The following XIRP2 variants were observed in gnomAD, a reference collection of about 807,000 sequenced individuals.
XIRP2 encodes xin actin-binding repeat-containing protein 2.
XIRP2 carries 236 observed loss-of-function variants against 277.0 expected under a neutral mutation model. The ratio of observed to expected loss-of-function variants is 0.85; its 90% CI spans 0.77 to 0.95. The LOEUF is 0.95. Among genes scored for constraint, XIRP2 ranks in the 40% least tolerant of loss-of-function variants. The pLI, the probability that XIRP2 is intolerant of heterozygous loss-of-function variation, is 0.00. For synonymous variants in XIRP2, 1,490 were observed against 1,416.5 expected (o/e 1.05, Z -1.17); for missense variants, 4,640 against 4,157.5 (o/e 1.12, Z -3.19).
chr2:167,199,254 A>C (rs1390564678), intron 3 of XIRP2, among the ~76,000 whole-genome samples: 1 of 152,218 alleles, frequency 6.6e-6, no homozygotes, highest in Admixed American at 6.5e-5. Context: ...TAGCACAAAA[A>C]TGATTTAAGG....
intron 3 of XIRP2, among the ~76,000 whole-genome samples, chr2:167,147,632 G>A (rs1479676398): frequency 6.6e-6 from 1 of 152,190 alleles, no homozygotes; most frequent in Non-Finnish European, 1.5e-5. Context: ...CACATTGTTG[G>A]TGAGAGAATT....
chr2:167,085,862 A>G (rs1689925599), intron 2 of XIRP2, among the ~76,000 whole-genome samples: 1 of 152,160 alleles, frequency 6.6e-6, no homozygotes, highest in African/African-American at 2.4e-5. Context: ...GGTTTCCTGA[A>G]TACAGCACAC....
chr2:167,199,080 A>C (rs1693604105), intron 3 of XIRP2, among the ~76,000 whole-genome samples: 1 of 152,182 alleles, frequency 6.6e-6, no homozygotes, highest in South Asian at 2.1e-4. Flanking sequence ...GTCATGTATA[A>C]GTTGGTGAGA....
chr2:166,911,456 T>G (rs992208933), intron 2 of XIRP2, among the ~76,000 whole-genome samples: 8 of 152,198 alleles, frequency 5.3e-5, no homozygotes, highest in Non-Finnish European at 1.0e-4. Context: ...GTTTTCCATT[T>G]GCTTGGTAGA....
intron 2 of XIRP2, among the ~76,000 whole-genome samples, chr2:167,078,097 T>C (rs1689621427): frequency 6.6e-6 from 1 of 152,250 alleles, no homozygotes; most frequent in Admixed American, 6.5e-5. Flanking sequence ...ATGTTGATTC[T>C]TCCAATCCAT....
At chr2:167,077,291 A>G (rs887018387) in intron 2 of XIRP2, among the ~76,000 whole-genome samples, 1 of 152,186 alleles carries the variant, frequency 6.6e-6, no homozygotes, top group Non-Finnish European at 1.5e-5. Flanking sequence ...TATTACAATC[A>G]TTTTAATGGA....
chr2:166,996,379 T>A (rs1687220306), intron 2 of XIRP2, among the ~76,000 whole-genome samples: 1 of 152,182 alleles, frequency 6.6e-6, no homozygotes, highest in South Asian at 2.1e-4. Context: ...GCCTGTAATC[T>A]CAGCACTTTG....
intron 2 of XIRP2, among the ~76,000 whole-genome samples, chr2:167,013,978 CTGAA>C (rs1558947856): frequency 1.3e-5 from 2 of 151,010 alleles, no homozygotes; most frequent in Non-Finnish European, 1.5e-5. Context: ...GTGGAACAAA[CTGAA>C]TGCAAATTGT....
intron 3 of XIRP2, chr2:167,184,576 G>T: frequency 1.4e-6 from 1 of 717,316 alleles, no homozygotes; most frequent in Non-Finnish European, 2.6e-6. Context: ...AGATTCTCAG[G>T]CTCCACCTGC....
In XIRP2 at chr2:167,218,246, T is replaced by C; in HGVS notation, c.804T>C (p.Ser268=). 6.2e-7 allele frequency: 1 copy of C among 1,609,204 alleles called. No individual in the cohort carries two copies. The highest frequency in any genetic ancestry group is 8.5e-7 in the Non-Finnish European group (1 of 1,177,790). Residue 268 remains serine (S), a synonymous_variant, in exon 5 of 11, where the codon TCT becomes TCC. Transcript: ENST00000409195. ...AACAATTTGAGGACGAAATTACTTCTTCCCGTAATACCTTTGCTCAATACC... is the reference window on the plus strand; with the variant it reads ...AACAATTTGAGGACGAAATTACTTCCTCCCGTAATACCTTTGCTCAATACC... The part of the protein sequence containing the change: ...VKKQFEDEIT[S]SRNTFAQYQY...
intron 2 of XIRP2, among the ~76,000 whole-genome samples, chr2:167,021,335 C>A (rs762150756): frequency 2.6e-5 from 4 of 152,004 alleles, no homozygotes; most frequent in Middle Eastern, 3.2e-3. Context: ...TATAATTTGG[C>A]AGAAAAATTG....
intron 2 of XIRP2, among the ~76,000 whole-genome samples, chr2:167,077,011 T>TTTTG (rs761159868): frequency 5.9e-4 from 89 of 152,014 alleles, no homozygotes; most frequent in Non-Finnish European, 1.1e-3. Context: ...TTGTGTGTTT[T>TTTTG]TTTGTTTGTT....
At chr2:167,079,857 A>G (rs1366641853) in intron 2 of XIRP2, among the ~76,000 whole-genome samples, 2 of 151,482 alleles carry the variant, frequency 1.3e-5, no homozygotes, top group Non-Finnish European at 2.9e-5. Context: ...GATTTGGGTT[A>G]TATCTTTTCT....
chr2:167,246,497 C>T lies in XIRP2; in HGVS notation c.5105C>T (p.Thr1702Ile), dbSNP rs781614160. The T allele has an allele frequency of 4.3e-6, 7 of 1,613,472 alleles. No individual in the cohort carries two copies. The highest frequency in any genetic ancestry group is 3.3e-5 in the Admixed American group (2 of 59,940). The change falls in exon 9 of 11, where the codon ACA (threonine) becomes ATA (isoleucine). Residue 1702 changes from threonine to isoleucine, a missense_variant. Transcript: ENST00000409195. ...CTTCTTCATGAAAATGATGGTGACA[C>T]AATTGAGCGTGAAGAAGTAATAGGT... ...YCLLHENDGD[T>I]IEREEVIGGD...
At chr2:167,196,878 G>C (rs1300219471) in intron 3 of XIRP2, among the ~76,000 whole-genome samples, 1 of 152,120 alleles carries the variant, frequency 6.6e-6, no homozygotes, top group African/African-American at 2.4e-5. Context: ...GTGTTTTCAT[G>C]CCTGTCTGTA....
chr2:167,181,481 A>C (rs537507179), intron 3 of XIRP2, among the ~76,000 whole-genome samples: 1 of 152,102 alleles, frequency 6.6e-6, no homozygotes, highest in Non-Finnish European at 1.5e-5. Context: ...TTTTCTTCAA[A>C]TTCTTACTGT....
chr2:166,936,002 G>T (rs1335189176), intron 2 of XIRP2, among the ~76,000 whole-genome samples: 1 of 152,144 alleles, frequency 6.6e-6, no homozygotes, highest in Non-Finnish European at 1.5e-5. Flanking sequence ...TCTTCCAAAT[G>T]GTTGAACCAG....
At position 167,244,662 on chromosome 2, in the gene XIRP2, T is replaced by G. The variant is rs1418307619; in HGVS notation, c.3270T>G (p.Asp1090Glu). ...TEQTRDIVKGDVKTCKWLFET... is the reference protein window; with the variant it reads ...TEQTRDIVKGEVKTCKWLFET... The stretch of plus-strand genomic sequence containing the variant: ...AAACTAGAGATATTGTTAAAGGGGA[T>G]GTCAAAACCTGTAAATGGCTTTTTG... The change falls in exon 9 of 11, where the codon GAT becomes GAG. Residue 1090 changes from aspartate to glutamate, a missense_variant. Coordinates refer to ENST00000409195, the MANE Select transcript of XIRP2 (RefSeq NM_152381.6). 2 of 1,613,544 alleles carry G rather than the reference T, an allele frequency of 1.2e-6. No homozygotes were observed. Among genetic ancestry groups the G allele is most frequent in the Non-Finnish European group, 1.7e-6 (2 of 1,179,720 alleles).
Position 167,017,353 on chromosome 2 carries a change from C to A in XIRP2, c.408+113463C>A, listed in dbSNP as rs191173191. Among the ~76,000 whole-genome samples, 226 of 151,944 alleles carry A rather than the reference C, an allele frequency of 1.5e-3. 1 individual carries two copies. The highest frequency in any genetic ancestry group is 2.3e-3 in the Non-Finnish European group (153 of 67,932). ...AATTTTTATTTCTGAGAGTCTGAAC[C>A]AAGAAGGTCCAAGTAGATCACATGG... On this transcript the variant is annotated intron_variant, in intron 2 of 10. Coordinates refer to ENST00000409195, the MANE Select transcript of XIRP2 (RefSeq NM_152381.6).
Sources: gnomAD v4.1 joint callset for allele counts (sites outside exome capture counted in the v4.1 genomes callset) on GRCh38, gnomAD v4.1.1 for gene constraint, MANE v1.5 for transcripts, NCBI Gene and HGNC (gene_info 2026-07-23, HGNC 2026-07-21) for gene names.